The following CPEB3 variants were observed in gnomAD, a reference collection of about 807,000 sequenced individuals.
The protein encoded by CPEB3 is cytoplasmic polyadenylation element-binding protein 3.
CPEB3 carries 20 observed loss-of-function variants against 67.2 expected under a neutral mutation model. The ratio of observed to expected loss-of-function variants is 0.30; its 90% CI spans 0.21 to 0.43. The LOEUF (loss-of-function observed/expected upper bound fraction) is 0.43, where lower values mean the gene tolerates loss of function less well. Among genes scored for constraint, CPEB3 ranks in the 20% least tolerant of loss-of-function variants. The pLI is 1.00. For synonymous variants in CPEB3, 376 were observed against 393.1 expected (o/e 0.96, Z 0.51); for missense variants, 746 against 968.6 (o/e 0.77, Z 3.05).
At chr10:92,150,513 G>T (rs1279259309) in intron 4 of CPEB3, among the ~76,000 whole-genome samples, 12 of 152,246 alleles carry the variant, frequency 7.9e-5, no homozygotes, top group African/African-American at 2.9e-4. Flanking sequence ...ATTTCCATAT[G>T]CAACCAGCTC....
intron 6 of CPEB3, among the ~76,000 whole-genome samples, chr10:92,142,364 A>G (rs1315978896): frequency 6.6e-6 from 1 of 152,220 alleles, no homozygotes; most frequent in Non-Finnish European, 1.5e-5. Flanking sequence ...AACCCAAAAC[A>G]TTCTTCTATA....
Position 92,092,652 on chromosome 10 carries a change from C to T in CPEB3, c.1573-708G>A, listed in dbSNP as rs183362101. 5.3e-5 allele frequency among the ~76,000 whole-genome samples: 8 copies of T among 152,116 alleles called. No homozygotes were observed. The East Asian group carries it at 9.7e-4, about 18-fold the overall frequency. On this transcript the variant is annotated intron_variant, in intron 7 of 9. Transcript: ENST00000265997. ...AAAATTAGCTGGGTGTAGTGGCTCA[C>T]GCCTGTAGTCCCAGCTACTCAGGAG...
intron 2 of CPEB3, among the ~76,000 whole-genome samples, chr10:92,231,742 CAG>C (rs1200403064): frequency 2.6e-5 from 4 of 152,076 alleles, no homozygotes; most frequent in African/African-American, 9.7e-5. Context: ...CTTTTTAAGA[CAG>C]AGTCTTGCTC....
chr10:92,234,358 T>A (rs1851424134), intron 2 of CPEB3, among the ~76,000 whole-genome samples: 1 of 152,186 alleles, frequency 6.6e-6, no homozygotes, highest in African/African-American at 2.4e-5. Context: ...CCGATGAATC[T>A]TCATGGTGGC....
intron 8 of CPEB3, among the ~76,000 whole-genome samples, chr10:92,084,350 T>C (rs1462004514): frequency 6.6e-6 from 1 of 152,108 alleles, no homozygotes; most frequent in African/African-American, 2.4e-5. Flanking sequence ...TATGCTCTTA[T>C]GACAACCAAT....
chr10:92,163,144 C>G (rs1211431287), intron 4 of CPEB3, among the ~76,000 whole-genome samples: 1 of 152,104 alleles, frequency 6.6e-6, no homozygotes, highest in Non-Finnish European at 1.5e-5. Flanking sequence ...TTAAAAATCC[C>G]CTGTGCTCCG....
chr10:92,073,743 A>G (rs1366915028), intron 9 of CPEB3, among the ~76,000 whole-genome samples: 5 of 152,126 alleles, frequency 3.3e-5, no homozygotes, highest in Non-Finnish European at 5.9e-5. Context: ...TTAGGATTAT[A>G]GGTGCGAGGC....
chr10:92,239,649 G>GGCGGCTGCGGCAGCA lies in CPEB3; in HGVS notation c.687_701dup (p.Ala231_Ala235dup). The GGCGGCTGCGGCAGCA allele has an allele frequency of 5.8e-6, 9 of 1,561,030 alleles. No homozygotes were observed. The highest frequency in any genetic ancestry group is 1.4e-5 in the African/African-American group (1 of 73,680). ...TCCAGCTGGACGAGGCCGACGAGGCGGCGGCTGCGGCAGCAGCGGCTGCAA... is the reference window on the plus strand; with the variant it reads ...TCCAGCTGGACGAGGCCGACGAGGCGGCGGCTGCGGCAGCAGCGGCTGCGGCAGCAGCGGCTGCAA... On this transcript the variant is annotated inframe_insertion, in exon 2 of 10. Transcript: ENST00000265997. The surrounding 1 kb of genome is among the most constrained non-coding windows in gnomAD (Gnocchi z 6.0).
intron 9 of CPEB3, among the ~76,000 whole-genome samples, chr10:92,070,670 C>T (rs765831195): frequency 3.4e-4 from 51 of 151,702 alleles, no homozygotes; most frequent in African/African-American, 5.1e-4. Context: ...CCAGCTACTC[C>T]GGAGGCTGAG....
At chr10:92,124,372 T>C (rs1845521119) in intron 6 of CPEB3, among the ~76,000 whole-genome samples, 1 of 152,226 alleles carries the variant, frequency 6.6e-6, no homozygotes, top group African/African-American at 2.4e-5. Flanking sequence ...GACAAGTGTT[T>C]ATAAAAGTGT....
chr10:92,216,794 G>A, intron 2 of CPEB3: 1 of 1,609,652 alleles, frequency 6.2e-7, no homozygotes, highest in African/African-American at 1.3e-5. Flanking sequence ...ACCCCTATGA[G>A]GAGCTCCGGT....
At chr10:92,271,954 C>T (rs1389380522) in intron 1 of CPEB3, among the ~76,000 whole-genome samples, 2 of 152,136 alleles carry the variant, frequency 1.3e-5, no homozygotes, top group African/African-American at 2.4e-5. Context: ...TTCCTCCTCC[C>T]CTAATTTATT....
chr10:92,272,065 AT>A (rs1853331802), intron 1 of CPEB3: 1 of 152,088 alleles, frequency 6.6e-6, no homozygotes, highest in Non-Finnish European at 1.5e-5. Flanking sequence ...TACTATTATT[AT>A]TTTGTTGTTC....
intron 6 of CPEB3, among the ~76,000 whole-genome samples, chr10:92,141,901 C>T (rs1223345173): frequency 2.6e-5 from 4 of 151,276 alleles, no homozygotes; most frequent in Admixed American, 2.6e-4. Flanking sequence ...GCCTGTAGTC[C>T]CAGCTACTCG....
intron 1 of CPEB3, among the ~76,000 whole-genome samples, chr10:92,276,432 C>A (rs1175646802): frequency 6.6e-6 from 1 of 151,982 alleles, no homozygotes; most frequent in African/African-American, 2.4e-5. Flanking sequence ...GCACCTGCCA[C>A]CATGCCTGGC....
intron 1 of CPEB3, among the ~76,000 whole-genome samples, chr10:92,274,852 G>T (rs574533253): frequency 6.6e-6 from 1 of 152,194 alleles, no homozygotes; most frequent in African/African-American, 2.4e-5. Flanking sequence ...TAAAATAAAT[G>T]TAGTTCCTTC....
chr10:92,217,039 TAA>T (rs756509254), intron 2 of CPEB3, among the ~76,000 whole-genome samples: 32 of 104,462 alleles, frequency 3.1e-4, no homozygotes, highest in East Asian at 2.8e-4. Context: ...ATGCTAAGAC[TAA>T]AAAAAAAAAA....
At chr10:92,189,991 C>T (rs1267122822) in intron 3 of CPEB3, among the ~76,000 whole-genome samples, 1 of 151,780 alleles carries the variant, frequency 6.6e-6, no homozygotes, top group African/African-American at 2.4e-5. Flanking sequence ...AAACCAGTTA[C>T]TCTGGGGCCA....
chr10:92,232,470 C>G (rs1401588552), intron 2 of CPEB3, among the ~76,000 whole-genome samples: 1 of 151,870 alleles, frequency 6.6e-6, no homozygotes, highest in Non-Finnish European at 1.5e-5. Flanking sequence ...TGAAATACAT[C>G]AAATTGGGCC....
Sources: gnomAD v4.1 joint callset for allele counts (sites outside exome capture counted in the v4.1 genomes callset) on GRCh38, gnomAD v4.1.1 for gene constraint, Gnocchi (gnomAD v3.1) non-coding constraint, MANE v1.5 for transcripts, NCBI Gene and HGNC (gene_info 2026-07-23, HGNC 2026-07-21) for gene names.